Variants in RGS7 observed in about 807,000 individuals in gnomAD.
The protein encoded by RGS7 is regulator of G-protein signaling 7.
Under a neutral mutation model 81.1 loss-of-function variants are expected in RGS7, and 27 were observed. The ratio of observed to expected loss-of-function variants is 0.33; its 90% CI spans 0.25 to 0.46. The LOEUF (loss-of-function observed/expected upper bound fraction) is 0.46, where lower values mean the gene tolerates loss of function less well. Among genes scored for constraint, RGS7 ranks in the 20% least tolerant of loss-of-function variants. The pLI is 1.00. For missense variants in RGS7, 396 were observed against 607.4 expected, an observed-to-expected ratio of 0.65 and a Z score of 3.66; for synonymous variants, 208 against 207.7, an observed-to-expected ratio of 1.00 and a Z score of -0.01.
intron 2 of RGS7, among the ~76,000 whole-genome samples, chr1:241,223,086 A>C (rs2075110302): frequency 6.6e-6 from 1 of 152,186 alleles, no homozygotes; most frequent in African/African-American, 2.4e-5. Context: ...TAAATAACAT[A>C]TAGTTTCCCA....
chr1:241,355,674 T>C, intron 2 of RGS7, 25 bp downstream of exon 2: 1 of 1,604,814 alleles, frequency 6.2e-7, no homozygotes. Context: ...TTTCCCGTTT[T>C]CCAAGAAACT....
intron 2 of RGS7, among the ~76,000 whole-genome samples, chr1:241,189,837 T>C (rs188613647): frequency 7.6e-4 from 115 of 152,240 alleles, no homozygotes; most frequent in East Asian, 6.8e-3. Flanking sequence ...TTGGTCAGGC[T>C]GGGCGCGGTG....
chr1:241,066,361 CCAGCTCAGGTT>C (rs2062061748), intron 3 of RGS7, among the ~76,000 whole-genome samples: 1 of 152,204 alleles, frequency 6.6e-6, no homozygotes, highest in African/African-American at 2.4e-5. Flanking sequence ...GGTGACCCTT[CCAGCTCAGGTT>C]TGCTCTGATC....
At chr1:241,010,498 A>C (rs891464108) in intron 3 of RGS7, among the ~76,000 whole-genome samples, 5 of 152,224 alleles carry the variant, frequency 3.3e-5, no homozygotes, top group African/African-American at 1.2e-4. Context: ...TCTCCCTGAC[A>C]CATTCAGCAC....
chr1:240,928,153 C>A (rs953934811), intron 6 of RGS7, among the ~76,000 whole-genome samples: 2 of 152,182 alleles, frequency 1.3e-5, no homozygotes, highest in African/African-American at 2.4e-5. Flanking sequence ...CCTTCCAGAG[C>A]AAATATACTT....
At chr1:241,236,186 A>C (rs1192525957) in intron 2 of RGS7, among the ~76,000 whole-genome samples, 1 of 146,684 alleles carries the variant, frequency 6.8e-6, no homozygotes, top group East Asian at 2.1e-4. Context: ...CATATTTTAG[A>C]AACAAATAAC....
At position 241,144,926 on chromosome 1, in the gene RGS7, GGTGTGTGT is replaced by G. The variant is rs58610723; in HGVS notation, c.79-46172_79-46165del. ...TCAGTATGTGTTGGCAGGGCAGGATGGTGTGTGTGTGTGTGTGTGTGTGTGTGTGTGTG... is the reference window on the plus strand; with the variant it reads ...TCAGTATGTGTTGGCAGGGCAGGATGGTGTGTGTGTGTGTGTGTGTGTGTG... On this transcript the variant is annotated intron_variant, in intron 2 of 18. Coordinates refer to ENST00000440928, the MANE Select transcript of RGS7 (RefSeq NM_001364886.1). The surrounding 1 kb of genome is among the most constrained non-coding windows in gnomAD (Gnocchi z 4.7). Among the ~76,000 whole-genome samples the G allele has an allele frequency of 2.5e-4, 36 of 141,968 alleles. No individual in the cohort carries two copies. The highest frequency in any genetic ancestry group is 3.7e-4 in the Non-Finnish European group (24 of 65,066). The allele number at this position is 141,968 out of a possible 152,430, so 93.1% of individuals were successfully genotyped here.
At chr1:241,036,221 T>A (rs925495244) in intron 3 of RGS7, among the ~76,000 whole-genome samples, 2 of 149,396 alleles carry the variant, frequency 1.3e-5, no homozygotes, top group Non-Finnish European at 2.9e-5. Flanking sequence ...GTCTTTAAAA[T>A]TCACAGAAAA....
chr1:240,850,705 CAAAG>C (rs1343321091), intron 9 of RGS7, among the ~76,000 whole-genome samples: 4 of 152,124 alleles, frequency 2.6e-5, no homozygotes, highest in Non-Finnish European at 5.9e-5. Flanking sequence ...GTTGTGAATG[CAAAG>C]AAAAAGTTCT....
At chr1:241,225,830 C>A (rs550840152) in intron 2 of RGS7, among the ~76,000 whole-genome samples, 1 of 152,258 alleles carries the variant, frequency 6.6e-6, no homozygotes, top group Admixed American at 6.5e-5. Flanking sequence ...GAACTGTATG[C>A]CAGCTTTCAA....
intron 3 of RGS7, among the ~76,000 whole-genome samples, chr1:241,072,343 T>G (rs1402206184): frequency 6.6e-6 from 1 of 152,188 alleles, no homozygotes; most frequent in Non-Finnish European, 1.5e-5. Flanking sequence ...TCTGTTTTCC[T>G]TTCTGGAACA....
chr1:240,887,226 GTT>G (rs71297739), intron 6 of RGS7, among the ~76,000 whole-genome samples: 6 of 76,372 alleles, frequency 7.9e-5, no homozygotes, highest in African/African-American at 7.5e-5. Flanking sequence ...GAGTATATAG[GTT>G]TTTTTTTTTT....
At chr1:241,323,669 T>C (rs1360299494) in intron 2 of RGS7, among the ~76,000 whole-genome samples, 1 of 152,144 alleles carries the variant, frequency 6.6e-6, no homozygotes, top group Admixed American at 6.5e-5. Context: ...TGAAGATGCC[T>C]GGAGAGAAGC....
intron 2 of RGS7, among the ~76,000 whole-genome samples, chr1:241,183,333 C>T (rs974903044): frequency 3.3e-5 from 5 of 152,206 alleles, no homozygotes; most frequent in Non-Finnish European, 7.3e-5. Context: ...CTATCAGCAC[C>T]TGCAAAAGGC....
intron 2 of RGS7, among the ~76,000 whole-genome samples, chr1:241,169,756 T>C (rs1453182477): frequency 6.6e-6 from 1 of 152,208 alleles, no homozygotes; most frequent in African/African-American, 2.4e-5. Flanking sequence ...GGAATTTACC[T>C]ATTAAACAGA....
At chr1:241,321,066 A>G (rs2081180445) in intron 2 of RGS7, among the ~76,000 whole-genome samples, 1 of 152,242 alleles carries the variant, frequency 6.6e-6, no homozygotes, top group African/African-American at 2.4e-5. Flanking sequence ...CAGAAAGTAT[A>G]GAATTGGAAA....
chr1:240,938,163 A>G (rs565956010), intron 4 of RGS7, among the ~76,000 whole-genome samples: 6 of 152,326 alleles, frequency 3.9e-5, no homozygotes, highest in African/African-American at 1.2e-4. Context: ...CCAAACATCA[A>G]GGATGCTCAA....
At chr1:240,940,148 T>A (rs1677344121) in intron 4 of RGS7, among the ~76,000 whole-genome samples, 1 of 152,190 alleles carries the variant, frequency 6.6e-6, no homozygotes, top group African/African-American at 2.4e-5. Flanking sequence ...ACTAGTTTTA[T>A]GCCCCCAATA....
intron 2 of RGS7, among the ~76,000 whole-genome samples, chr1:241,135,805 CAG>C (rs1238535203): frequency 6.6e-6 from 1 of 150,528 alleles, no homozygotes; most frequent in Admixed American, 6.6e-5. Context: ...TTTTTTGAGA[CAG>C]AGTTGCCCAG....
Sources: gnomAD v4.1 joint callset for allele counts (sites outside exome capture counted in the v4.1 genomes callset) on GRCh38, gnomAD v4.1.1 for gene constraint, Gnocchi (gnomAD v3.1) non-coding constraint, MANE v1.5 for transcripts, NCBI Gene and HGNC (gene_info 2026-07-23, HGNC 2026-07-21) for gene names.